The following FRMD6 variants were observed in gnomAD, a reference collection of about 807,000 sequenced individuals.
FRMD6 encodes the protein FERM domain containing 6, also known as FERM domain-containing protein 6.
A neutral mutation model predicts 73.2 loss-of-function variants in FRMD6; 37 were observed. The ratio of observed to expected loss-of-function variants is 0.51; its 90% CI spans 0.39 to 0.66. FRMD6 has a LOEUF of 0.66. Ranked by LOEUF, FRMD6 falls within the 30% of genes least tolerant of loss-of-function variation. FRMD6 has a pLI of 0.00. For synonymous variants in FRMD6, 273 were observed against 282.2 expected (o/e 0.97, Z 0.33); for missense variants, 714 against 780.5 (o/e 0.91, Z 1.02).
At chr14:51,461,128 A>G in the FRMD6 span, among the ~76,000 whole-genome samples, 12 of 152,248 alleles carry the variant, frequency 7.9e-5, no homozygotes, top group Admixed American at 7.2e-4. Context: ...AGAGCTGTGT[A>G]TATCTTTCCC....
chr14:51,676,896 C>T (rs1894428876), intron 1 of FRMD6, among the ~76,000 whole-genome samples: 1 of 152,128 alleles, frequency 6.6e-6, no homozygotes, highest in Non-Finnish European at 1.5e-5. Flanking sequence ...ATATGTATCC[C>T]TAAATGAATC....
At chr14:51,437,135 G>A in the FRMD6 span, among the ~76,000 whole-genome samples, 6 of 151,836 alleles carry the variant, frequency 4.0e-5, no homozygotes, top group South Asian at 2.1e-4. Flanking sequence ...TCCCTCCCCC[G>A]GGCCCCCACC....
intron 2 of FRMD6, among the ~76,000 whole-genome samples, chr14:51,628,544 T>A (rs116350028): frequency 6.6e-6 from 1 of 152,008 alleles, no homozygotes; most frequent in Non-Finnish European, 1.5e-5. Flanking sequence ...ATGGCTCACG[T>A]CTATAATCCT....
intron 1 of FRMD6, among the ~76,000 whole-genome samples, chr14:51,670,160 T>C (rs1338458811): frequency 6.6e-6 from 1 of 152,154 alleles, no homozygotes; most frequent in Non-Finnish European, 1.5e-5. Flanking sequence ...ACTGCAGCCT[T>C]GACCTCCTGG....
At chr14:51,528,346 G>A (rs1322688804) in intron 1 of FRMD6, among the ~76,000 whole-genome samples, 1 of 152,104 alleles carries the variant, frequency 6.6e-6, no homozygotes, top group Non-Finnish European at 1.5e-5. Flanking sequence ...AGCACTAGGA[G>A]CACTAGGAAT....
intron 2 of FRMD6, 37 bp from the exon 3 acceptor site, chr14:51,698,105 G>A: frequency 6.7e-7 from 1 of 1,490,074 alleles, no homozygotes; most frequent in Non-Finnish European, 9.3e-7. Context: ...GGACTTAGTT[G>A]AATTGTTATT....
chr14:51,522,832 A>G (rs1281410436), intron 1 of FRMD6: 2 of 152,336 alleles, frequency 1.3e-5, no homozygotes, highest in African/African-American at 4.8e-5. Flanking sequence ...ACACATTGAA[A>G]ATGCAAGACA....
intron 2 of FRMD6, among the ~76,000 whole-genome samples, chr14:51,584,529 C>T (rs575099496): frequency 2.0e-5 from 3 of 152,162 alleles, no homozygotes; most frequent in African/African-American, 7.2e-5. Flanking sequence ...GGTTTGGTAC[C>T]TGTGAGAGGG....
the FRMD6 span, among the ~76,000 whole-genome samples, chr14:51,482,674 C>CTGTGTGTG: frequency 0.058 from 8,627 of 148,376 alleles, 516 homozygotes; most frequent in Admixed American, 0.18. Context: ...TTTGCAGGAA[C>CTGTGTGTG]TGTGTGTGTG....
chr14:51,553,811 C>T (rs764005613), intron 1 of FRMD6, among the ~76,000 whole-genome samples: 67 of 152,020 alleles, frequency 4.4e-4, no homozygotes, highest in Non-Finnish European at 7.6e-4. Context: ...GTTTACCGAG[C>T]GGATGAGGGG....
the FRMD6 span, among the ~76,000 whole-genome samples, chr14:51,475,912 T>G: frequency 6.6e-6 from 1 of 152,126 alleles, no homozygotes; most frequent in Non-Finnish European, 1.5e-5. Flanking sequence ...TTGAGAAGCA[T>G]GTAAGCACGT....
chr14:51,668,658 A>G (rs898705620), intron 1 of FRMD6, among the ~76,000 whole-genome samples: 3 of 150,760 alleles, frequency 2.0e-5, no homozygotes, highest in Non-Finnish European at 4.4e-5. Flanking sequence ...AGCTCGAATG[A>G]AATAATGCTG....
intron 1 of FRMD6, among the ~76,000 whole-genome samples, chr14:51,677,623 T>C (rs1411153909): frequency 6.6e-6 from 1 of 152,130 alleles, no homozygotes. Flanking sequence ...TGGTTTAAAA[T>C]TCATGAATTT....
the FRMD6 span, among the ~76,000 whole-genome samples, chr14:51,415,379 T>A: frequency 6.6e-6 from 1 of 152,248 alleles, no homozygotes; most frequent in Non-Finnish European, 1.5e-5. Context: ...TGTTGAATTT[T>A]GTCAAAGGCC....
the FRMD6 span, among the ~76,000 whole-genome samples, chr14:51,442,238 G>T: frequency 6.6e-6 from 1 of 152,198 alleles, no homozygotes; most frequent in South Asian, 2.1e-4. Flanking sequence ...TCTAGGTTAG[G>T]GATCCCTTCT....
At chr14:51,459,570 G>A in the FRMD6 span, among the ~76,000 whole-genome samples, 1 of 152,162 alleles carries the variant, frequency 6.6e-6, no homozygotes, top group Admixed American at 6.5e-5. Flanking sequence ...GGCGACGCCT[G>A]TAATCCCAGC....
chr14:51,569,837 A>T, intron 1 of FRMD6, among the ~76,000 whole-genome samples: 3 of 115,232 alleles, frequency 2.6e-5, no homozygotes, highest in Non-Finnish European at 3.6e-5. Flanking sequence ...TTTTTTTTTG[A>T]GACCGTCTGG....
At chr14:51,666,925 C>G (rs553361334) in intron 1 of FRMD6, among the ~76,000 whole-genome samples, 2 of 152,044 alleles carry the variant, frequency 1.3e-5, no homozygotes, top group Admixed American at 6.6e-5. Context: ...GCTGGAGCCC[C>G]GAAGTTTGAG....
chr14:51,678,920 AG>A (rs1420909745), intron 1 of FRMD6, among the ~76,000 whole-genome samples: 1 of 152,194 alleles, frequency 6.6e-6, no homozygotes, highest in African/African-American at 2.4e-5. Flanking sequence ...GAAGTATGAA[AG>A]CAAGACTTGT....
Sources: allele counts gnomAD v4.1 joint callset (sites outside exome capture counted in the v4.1 genomes callset), GRCh38; gene constraint gnomAD v4.1.1; transcripts MANE v1.5; gene names NCBI Gene and HGNC (gene_info 2026-07-23, HGNC 2026-07-21).